Variants in FUT8 observed in about 807,000 individuals in gnomAD.
FUT8 encodes alpha-(1,6)-fucosyltransferase.
In FUT8, 29 loss-of-function variants were observed where a neutral mutation model predicts 71.3. That is an observed-to-expected ratio of 0.41 (90% CI 0.30 to 0.55). The LOEUF is 0.55. FUT8 is among the 20% of genes least tolerant of loss of function. The probability of loss-of-function intolerance (pLI) is 0.34; values close to 1 mark genes in which losing one functional copy is unlikely to be tolerated. For synonymous variants in FUT8, 254 were observed against 239.3 expected, an observed-to-expected ratio of 1.06 and a Z score of -0.57; for missense variants, 544 against 702.1, an observed-to-expected ratio of 0.77 and a Z score of 2.55.
At chr14:65,613,385 C>T (rs1889109918) in intron 3 of FUT8, among the ~76,000 whole-genome samples, 1 of 152,158 alleles carries the variant, frequency 6.6e-6, no homozygotes, top group Non-Finnish European at 1.5e-5. Context: ...AAACCAGCCA[C>T]CTAATTCACA....
intron 7 of FUT8, among the ~76,000 whole-genome samples, chr14:65,690,981 C>A (rs1413568759): frequency 5.5e-5 from 8 of 145,090 alleles, no homozygotes; most frequent in Non-Finnish European, 1.0e-4. Flanking sequence ...CTGCCTCGGC[C>A]TCCCAAAGTG....
Position 65,616,284 on chromosome 14 carries a change from G to C in FUT8, c.393G>C (p.Gln131His). The change falls in exon 5 of 11, where the codon CAG becomes CAC. Residue 131 changes from glutamine (Q) to histidine (H), a missense_variant. By Grantham distance (24) the Gln-to-His change is conservative. Coordinates refer to ENST00000673929, the MANE Select transcript of FUT8 (RefSeq NM_001371533.1). The part of the protein sequence containing the change: ...NGAKELWFFL[Q>H]SELKKLKNLE... ...CTAAAGAGCTCTGGTTTTTCCTACA[G>C]AGTGAATTGAAGAAATTAAAGAACT... The C allele has an allele frequency of 1.2e-6, 2 of 1,612,578 alleles. No individual in the cohort carries two copies. Among genetic ancestry groups the C allele is most frequent in the Non-Finnish European group, 8.5e-7 (1 of 1,179,318 alleles).
chr14:65,573,516 G>A (rs550947017), intron 3 of FUT8, among the ~76,000 whole-genome samples: 2 of 152,050 alleles, frequency 1.3e-5, no homozygotes, highest in East Asian at 1.9e-4. Context: ...CAAATAGGAG[G>A]GAAATTGCAA....
chr14:65,366,034 C>T, the FUT8 span, among the ~76,000 whole-genome samples: 1 of 152,092 alleles, frequency 6.6e-6, no homozygotes, highest in Non-Finnish European at 1.5e-5. Context: ...TAAACTTGCT[C>T]TCACTTTATG....
chr14:65,553,402 T>C (rs1885402702), intron 2 of FUT8, among the ~76,000 whole-genome samples: 1 of 152,190 alleles, frequency 6.6e-6, no homozygotes, highest in Non-Finnish European at 1.5e-5. Flanking sequence ...AACCCAGTGA[T>C]ACATTATTGC....
intron 9 of FUT8, among the ~76,000 whole-genome samples, chr14:65,730,578 C>G (rs1314790926): frequency 2.6e-5 from 4 of 152,062 alleles, no homozygotes; most frequent in African/African-American, 9.7e-5. Context: ...GAGGCTGAGG[C>G]AGGAGATGAT....
the FUT8 span, among the ~76,000 whole-genome samples, chr14:65,380,413 A>G: frequency 2.6e-3 from 400 of 152,320 alleles, no homozygotes; most frequent in African/African-American, 9.0e-3. Flanking sequence ...TGTATCACAC[A>G]TTAAAACCAT....
chr14:65,726,587 A>C (rs989792092), intron 9 of FUT8, among the ~76,000 whole-genome samples: 1 of 152,182 alleles, frequency 6.6e-6, no homozygotes, highest in Admixed American at 6.5e-5. Flanking sequence ...CCGTGATTCA[A>C]TTACCTTCCA....
chr14:65,665,285 T>A lies in FUT8; in HGVS notation c.598-3958T>A, dbSNP rs529018844. On this transcript the variant is annotated intron_variant, in intron 6 of 10. Transcript: ENST00000673929. ...TTAGAGTTTTTCTTTTAAGATAATT[T>A]GAGTTTCATCATAGAAGGTAAGCTC... 8.4e-4 allele frequency among the ~76,000 whole-genome samples: 128 copies of A among 152,320 alleles called. 5 individuals are homozygous for A. The South Asian group carries it at 0.025, about 30-fold the overall frequency.
chr14:65,740,608 T>C (rs1348565438), intron 10 of FUT8, among the ~76,000 whole-genome samples: 5 of 151,932 alleles, frequency 3.3e-5, no homozygotes, highest in African/African-American at 1.2e-4. Flanking sequence ...TCAGGCAACT[T>C]ACAATCATGG....
chr14:65,485,166 G>A (rs1040837976), intron 2 of FUT8, among the ~76,000 whole-genome samples: 2 of 150,492 alleles, frequency 1.3e-5, no homozygotes, highest in African/African-American at 2.5e-5. Flanking sequence ...GTAATACTTC[G>A]TCTCTATTAA....
chr14:65,635,928 A>G (rs1315743163), intron 6 of FUT8, among the ~76,000 whole-genome samples: 1 of 151,546 alleles, frequency 6.6e-6, no homozygotes, highest in Non-Finnish European at 1.5e-5. Context: ...TCTTCCTTTA[A>G]ATGTCTGGTA....
chr14:65,627,449 C>A lies in FUT8; in HGVS notation c.483-2043C>A, dbSNP rs1008995912. Reference sequence around the variant, plus strand: ...GGAAGTAAAGTACACTTGTAAGAGGCCAAGCGGGCGACTTGAGAGGGTCAA... The same window carrying A: ...GGAAGTAAAGTACACTTGTAAGAGGACAAGCGGGCGACTTGAGAGGGTCAA... On this transcript the variant is annotated intron_variant, in intron 5 of 10. Transcript: ENST00000673929. The surrounding 1 kb of genome is among the most constrained non-coding windows in gnomAD (Gnocchi z 4.0). 9.2e-5 allele frequency among the ~76,000 whole-genome samples: 14 copies of A among 152,184 alleles called. No individual in the cohort carries two copies. The highest frequency in any genetic ancestry group is 3.9e-4 in the East Asian group (2 of 5,190).
At chr14:65,658,295 A>T (rs1418928149) in intron 6 of FUT8, among the ~76,000 whole-genome samples, 3 of 152,204 alleles carry the variant, frequency 2.0e-5, no homozygotes, top group Admixed American at 1.3e-4. Flanking sequence ...AAAATAAAAA[A>T]TGCCAAGAAT....
At chr14:65,737,060 T>A (rs1896248777) in intron 10 of FUT8, among the ~76,000 whole-genome samples, 1 of 152,088 alleles carries the variant, frequency 6.6e-6, no homozygotes, top group South Asian at 2.1e-4. Context: ...TTTGGAAAAC[T>A]GCAGGCAAAA....
intron 1 of FUT8, among the ~76,000 whole-genome samples, chr14:65,425,199 CT>C (rs1005673960): frequency 6.3e-4 from 95 of 150,124 alleles, no homozygotes; most frequent in African/African-American, 2.2e-3. Context: ...GAGTTTCACT[CT>C]TGTTGCCCAG....
chr14:65,450,798 T>G (rs2065810109), intron 1 of FUT8, among the ~76,000 whole-genome samples: 1 of 152,102 alleles, frequency 6.6e-6, no homozygotes, highest in Admixed American at 6.6e-5. Context: ...AAGCAGGATA[T>G]TTCCCTGACT....
intron 1 of FUT8, among the ~76,000 whole-genome samples, chr14:65,450,614 T>A (rs1353600946): frequency 6.6e-6 from 1 of 152,210 alleles, no homozygotes; most frequent in African/African-American, 2.4e-5. Context: ...CAGGTATATT[T>A]CTTTTTCTCA....
intron 7 of FUT8, among the ~76,000 whole-genome samples, chr14:65,670,596 G>A (rs1318340048): frequency 6.6e-6 from 1 of 151,954 alleles, no homozygotes; most frequent in Non-Finnish European, 1.5e-5. Flanking sequence ...AAAAACTGAG[G>A]CACTTCAGTT....
Sources: gnomAD v4.1 joint callset for allele counts (sites outside exome capture counted in the v4.1 genomes callset) on GRCh38, gnomAD v4.1.1 for gene constraint, Gnocchi (gnomAD v3.1) non-coding constraint, MANE v1.5 for transcripts, NCBI Gene and HGNC (gene_info 2026-07-23, HGNC 2026-07-21) for gene names.